The following MTERF4 variants were observed in gnomAD, a reference collection of about 807,000 sequenced individuals.
MTERF4 encodes the protein transcription termination factor 4, mitochondrial.
A neutral mutation model predicts 22.5 loss-of-function variants in MTERF4; 17 were observed. The observed-to-expected ratio is 0.75, with a 90% CI of 0.52 to 1.13. The LOEUF (loss-of-function observed/expected upper bound fraction) is 1.13, where lower values mean the gene tolerates loss of function less well. MTERF4 is among the 50% of genes most tolerant of loss of function. The pLI is 0.00. For synonymous variants in MTERF4, 165 were observed against 175.3 expected, an observed-to-expected ratio of 0.94 and a Z score of 0.47; for missense variants, 420 against 466.8, an observed-to-expected ratio of 0.90 and a Z score of 0.92.
At chr2:241,064,666 G>T in the MTERF4 span, among the ~76,000 whole-genome samples, 1 of 152,204 alleles carries the variant, frequency 6.6e-6, no homozygotes, top group Admixed American at 6.5e-5. This position sits in a 1 kb window ranked among gnomAD's most constrained non-coding sequence, Gnocchi z 7.0. Flanking sequence ...GGAGCTGCTG[G>T]GTTGGGCCCC....
At chr2:241,064,851 C>G in the MTERF4 span, 2 of 1,586,672 alleles carry the variant, frequency 1.3e-6, no homozygotes, top group Non-Finnish European at 1.7e-6. The surrounding 1 kb of genome is among the most constrained non-coding windows in gnomAD (Gnocchi z 7.0). Flanking sequence ...CAGTGAGTGA[C>G]CCCTGCTTCT....
chr2:241,052,474 AGGG>A, the MTERF4 span: 2 of 1,597,732 alleles, frequency 1.3e-6, no homozygotes, highest in Non-Finnish European at 8.6e-7. Flanking sequence ...GGCAGGTGAG[AGGG>A]TCAGGGGGAT....
chr2:241,065,487 C>T, the MTERF4 span: 1 of 1,613,016 alleles, frequency 6.2e-7, no homozygotes, highest in Non-Finnish European at 8.5e-7. Flanking sequence ...GCACCAGCTC[C>T]AGGCCCTGGC....
the MTERF4 span, chr2:241,051,859 C>A: frequency 2.0e-6 from 3 of 1,537,018 alleles, no homozygotes; most frequent in South Asian, 2.5e-5. This position sits in a 1 kb window ranked among gnomAD's most constrained non-coding sequence, Gnocchi z 4.7. Context: ...ACTGTGAGAT[C>A]GGTGCGGCCC....
the MTERF4 span, chr2:241,050,085 T>G: frequency 4.2e-6 from 3 of 705,982 alleles, no homozygotes; most frequent in Non-Finnish European, 7.9e-6. Flanking sequence ...TCTGTGTATT[T>G]AGAGGTGAGC....
downstream of MTERF4, chr2:241,090,022 A>G: frequency 6.5e-7 from 1 of 1,548,064 alleles, no homozygotes; most frequent in Admixed American, 2.0e-5. Flanking sequence ...CAGGACTGGC[A>G]GTTGCACAAT....
chr2:241,064,550 C>T, the MTERF4 span, among the ~76,000 whole-genome samples: 1 of 152,200 alleles, frequency 6.6e-6, no homozygotes, highest in Non-Finnish European at 1.5e-5. This position sits in a 1 kb window ranked among gnomAD's most constrained non-coding sequence, Gnocchi z 7.0. Flanking sequence ...ACTGACCTCC[C>T]CTCCTCAAGC....
At chr2:241,072,513 T>G in exon 5 of MTERF4, 2 of 339,234 alleles carry the variant, frequency 5.9e-6, no homozygotes, top group Non-Finnish European at 5.8e-6. Flanking sequence ...GTGGTCATCC[T>G]CATGGAACTC....
chr2:241,085,503 G>C (rs2063529907), downstream of MTERF4, among the ~76,000 whole-genome samples: 1 of 152,028 alleles, frequency 6.6e-6, no homozygotes, highest in African/African-American at 2.4e-5. Context: ...TGAACATGTG[G>C]AACAAATTTA....
At position 241,096,337 on chromosome 2, in the gene MTERF4, C is replaced by T. The variant is rs2064420648; in HGVS notation, c.807G>A (p.Glu269=). The part of the protein sequence containing the change: ...TKIKQRHIYL[E]RLGRYQTPDK... ...CAGGGGTTTGGTACCGTCCCAGGCG[C>T]TCCAGGTAAATGTGTCTCTGCTTAA... The change falls in exon 4 of 4, where the codon GAG becomes GAA. Residue 269 remains glutamate (E), a synonymous_variant. Coordinates refer to ENST00000391980, the MANE Select transcript of MTERF4 (RefSeq NM_182501.4). This position sits in a 1 kb window ranked among gnomAD's most constrained non-coding sequence, Gnocchi z 5.1. 7 of 1,614,058 alleles carry T rather than the reference C, an allele frequency of 4.3e-6. No homozygotes were observed. The highest frequency in any genetic ancestry group is 2.5e-6 in the Non-Finnish European group (3 of 1,180,052).
the MTERF4 span, among the ~76,000 whole-genome samples, chr2:241,056,025 T>C: frequency 6.7e-6 from 1 of 149,242 alleles, no homozygotes; most frequent in Admixed American, 6.6e-5. Context: ...ACTGTTCTTA[T>C]ACGCACTATG....
exon 5 of MTERF4, chr2:241,074,255 A>T (rs2062899583): frequency 6.7e-6 from 1 of 150,102 alleles, no homozygotes; most frequent in African/African-American, 2.5e-5. Context: ...TGTGTTTGCA[A>T]GTGGCGGTTT....
downstream of MTERF4, chr2:241,069,108 C>A: frequency 1.1e-6 from 1 of 906,366 alleles, no homozygotes; most frequent in Non-Finnish European, 1.7e-6. The surrounding 1 kb of genome is among the most constrained non-coding windows in gnomAD (Gnocchi z 4.9). Context: ...TAGTCCTCTC[C>A]AAAGCGTCCA....
the MTERF4 span, chr2:241,049,166 C>G: frequency 6.4e-7 from 1 of 1,555,394 alleles, no homozygotes; most frequent in East Asian, 2.3e-5. Flanking sequence ...CCTGCTGGGC[C>G]GGGGGCCCGG....
At chr2:241,063,881 G>T in the MTERF4 span, 1 of 780,308 alleles carries the variant, frequency 1.3e-6, no homozygotes. Flanking sequence ...CTGAGGGGCG[G>T]GACCTGCCCA....
chr2:241,067,923 G>A (rs2062530481), downstream of MTERF4: 2 of 1,613,078 alleles, frequency 1.2e-6, no homozygotes, highest in Non-Finnish European at 1.7e-6. Flanking sequence ...GATGTGGACA[G>A]GAGTGTGGAC....
At chr2:241,061,065 T>C in the MTERF4 span, among the ~76,000 whole-genome samples, 1 of 152,112 alleles carries the variant, frequency 6.6e-6, no homozygotes, top group Non-Finnish European at 1.5e-5. Context: ...TACTTGACCA[T>C]ATGAAAATTA....
At chr2:241,062,655 G>A in the MTERF4 span, 1 of 708,988 alleles carries the variant, frequency 1.4e-6, no homozygotes, top group South Asian at 1.5e-5. Flanking sequence ...AGGATATCCA[G>A]CCCTGGTCTC....
chr2:241,090,266 G>A (rs1214037300), downstream of MTERF4: 5 of 1,535,106 alleles, frequency 3.3e-6, no homozygotes, highest in Non-Finnish European at 4.4e-6. Flanking sequence ...ACACACATTG[G>A]CTTATGCCTA....
Sources: allele counts gnomAD v4.1 joint callset (sites outside exome capture counted in the v4.1 genomes callset), GRCh38; gene constraint gnomAD v4.1.1; non-coding constraint Gnocchi (gnomAD v3.1); transcripts MANE v1.5; gene names NCBI Gene and HGNC (gene_info 2026-07-23, HGNC 2026-07-21).